DAB1: variants seen among roughly 807,000 people sequenced by gnomAD.
The protein encoded by DAB1 is disabled homolog 1.
Under a neutral mutation model 64.6 loss-of-function variants are expected in DAB1, and 15 were observed. The ratio of observed to expected loss-of-function variants is 0.23; its 90% CI spans 0.16 to 0.36. The LOEUF is 0.36. Ranked by LOEUF, DAB1 falls within the 10% of genes least tolerant of loss-of-function variation. DAB1 has a pLI of 1.00. For missense variants in DAB1, 596 were observed against 706.7 expected, an observed-to-expected ratio of 0.84 and a Z score of 1.78; for synonymous variants, 235 against 251.9, an observed-to-expected ratio of 0.93 and a Z score of 0.64.
intron 4 of DAB1, among the ~76,000 whole-genome samples, chr1:57,088,859 A>G (rs906069437): frequency 2.6e-5 from 4 of 152,226 alleles, no homozygotes; most frequent in Admixed American, 6.5e-5. Flanking sequence ...CTCCACCTAT[A>G]GCTTGAGATG....
At chr1:57,886,462 G>C (rs952120258), upstream of DAB1, among the ~76,000 whole-genome samples, 1 of 152,112 alleles carries the variant, frequency 6.6e-6, no homozygotes, top group African/African-American at 2.4e-5. Context: ...GGCATATTCT[G>C]CTACTGTTAA....
At chr1:57,161,373 T>C (rs945948913) in intron 2 of DAB1, among the ~76,000 whole-genome samples, 1 of 152,146 alleles carries the variant, frequency 6.6e-6, no homozygotes, top group African/African-American at 2.4e-5. Context: ...CCGGCAAAAC[T>C]GTTGCGTGTT....
At chr1:57,369,378 T>C (rs1680313581) in intron 1 of DAB1, among the ~76,000 whole-genome samples, 1 of 151,706 alleles carries the variant, frequency 6.6e-6, no homozygotes, top group Admixed American at 6.6e-5. Flanking sequence ...AAAGTGGAAA[T>C]TTAAAAGTCA....
chr1:57,014,241 C>A (rs1020050901), intron 12 of DAB1, among the ~76,000 whole-genome samples: 6 of 152,194 alleles, frequency 3.9e-5, no homozygotes, highest in Non-Finnish European at 7.3e-5. Context: ...TCCAGGTTCC[C>A]AGTCCAGAAC....
chr1:58,426,141 T>C (rs1449148376), intron 3 of DAB1, among the ~76,000 whole-genome samples: 2 of 152,142 alleles, frequency 1.3e-5, no homozygotes, highest in African/African-American at 2.4e-5. Flanking sequence ...TATTATTCCA[T>C]TTTGCAGTGA....
chr1:57,006,334 A>C (rs1363055813), intron 14 of DAB1, among the ~76,000 whole-genome samples: 2 of 152,194 alleles, frequency 1.3e-5, no homozygotes, highest in Non-Finnish European at 1.5e-5. Flanking sequence ...GTCCCAAAGT[A>C]AACTTGTCTT....
At chr1:57,573,936 T>C (rs139384616) in intron 7 of DAB1, among the ~76,000 whole-genome samples, 6 of 152,316 alleles carry the variant, frequency 3.9e-5, no homozygotes, top group East Asian at 3.9e-4. Flanking sequence ...TCCTTGATTA[T>C]TGAGAAGGGG....
intron 3 of DAB1, among the ~76,000 whole-genome samples, chr1:58,445,009 CACT>C (rs1645049961): frequency 6.6e-6 from 1 of 152,130 alleles, no homozygotes; most frequent in Non-Finnish European, 1.5e-5. Flanking sequence ...ATATCAGCTC[CACT>C]ACTTGCTAAT....
At chr1:57,191,009 A>C (rs529777618) in intron 2 of DAB1, among the ~76,000 whole-genome samples, 1 of 152,078 alleles carries the variant, frequency 6.6e-6, no homozygotes, top group African/African-American at 2.4e-5. Context: ...TACCTGAAAA[A>C]CCCAGCTATT....
At chr1:57,622,781 G>A (rs557912543) in intron 7 of DAB1, among the ~76,000 whole-genome samples, 1 of 152,288 alleles carries the variant, frequency 6.6e-6, no homozygotes, top group East Asian at 1.9e-4. Flanking sequence ...TCTATGAAGT[G>A]TATGAGAAAA....
At chr1:58,039,741 C>A (rs1378963727) in intron 5 of DAB1, among the ~76,000 whole-genome samples, 1 of 152,058 alleles carries the variant, frequency 6.6e-6, no homozygotes, top group Non-Finnish European at 1.5e-5. Flanking sequence ...ATGCCTGGGC[C>A]ACCTAGAAAA....
intron 4 of DAB1, among the ~76,000 whole-genome samples, chr1:58,245,163 A>G (rs1355875561): frequency 2.0e-5 from 3 of 152,236 alleles, no homozygotes; most frequent in East Asian, 3.8e-4. Context: ...CCCAGAAAAC[A>G]GTGCTGTCAT....
rs186986793 is a variant in DAB1, at chr1:57,857,984, T to A, written n.87+26015A>T. Among the ~76,000 whole-genome samples, 275 of 149,202 alleles carry A rather than the reference T, an allele frequency of 1.8e-3. 1 individual carries two copies. Among genetic ancestry groups the A allele is most frequent in the African/African-American group, 6.4e-3 (261 of 40,758 alleles). On this transcript the variant is annotated intron_variant and non_coding_transcript_variant, in intron 1 of 1. Coordinates refer to the DAB1 transcript ENST00000477280. ...AGCCCTGAAGCCTAGAGAGGGGAAGTGACTCACTCACTGACACACAGCTAA... is the reference window on the plus strand; with the variant it reads ...AGCCCTGAAGCCTAGAGAGGGGAAGAGACTCACTCACTGACACACAGCTAA...
intron 6 of DAB1, among the ~76,000 whole-genome samples, chr1:57,781,685 G>A (rs1412207414): frequency 2.7e-5 from 4 of 146,692 alleles, no homozygotes; most frequent in Non-Finnish European, 5.9e-5. Context: ...TATCAAGGTA[G>A]GACTTTGCAT....
intron 2 of DAB1, among the ~76,000 whole-genome samples, chr1:57,205,164 C>T (rs1286181384): frequency 6.6e-6 from 1 of 152,138 alleles, no homozygotes; most frequent in Admixed American, 6.6e-5. Context: ...CCATCTGTAC[C>T]CAACACAAAG....
At chr1:57,167,201 T>G (rs1405237506) in intron 2 of DAB1, among the ~76,000 whole-genome samples, 1 of 152,274 alleles carries the variant, frequency 6.6e-6, no homozygotes, top group East Asian at 1.9e-4. Flanking sequence ...AATTAAATAA[T>G]TTGGTTCCAT....
At chr1:57,298,649 A>G (rs17115557) in intron 1 of DAB1, among the ~76,000 whole-genome samples, 6,736 of 152,250 alleles carry the variant, frequency 0.044, 494 homozygotes, top group African/African-American at 0.15. Flanking sequence ...TGAAAAAAAA[A>G]CAGAATTTTA....
intron 7 of DAB1, among the ~76,000 whole-genome samples, chr1:57,601,585 T>G (rs1056982254): frequency 2.0e-5 from 3 of 152,006 alleles, no homozygotes; most frequent in African/African-American, 7.3e-5. Flanking sequence ...AGAGCAAGAC[T>G]CCTTTTCAAA....
intron 3 of DAB1, among the ~76,000 whole-genome samples, chr1:58,358,689 C>T (rs143013557): frequency 5.3e-4 from 81 of 152,256 alleles, no homozygotes; most frequent in African/African-American, 1.8e-3. Context: ...GCCAGCCTCC[C>T]AACTGAGAAC....
Sources: gnomAD v4.1 joint callset for allele counts (sites outside exome capture counted in the v4.1 genomes callset) on GRCh38, gnomAD v4.1.1 for gene constraint, MANE v1.5 for transcripts, NCBI Gene and HGNC (gene_info 2026-07-23, HGNC 2026-07-21) for gene names.